OPN5: variants seen among roughly 807,000 people sequenced by gnomAD.
OPN5 encodes the protein opsin-5.
A neutral mutation model predicts 41.7 loss-of-function variants in OPN5; 18 were observed. That is an observed-to-expected ratio of 0.43 (90% CI 0.30 to 0.64). OPN5 has a LOEUF of 0.64. OPN5 is among the 30% of genes least tolerant of loss of function. OPN5 has a pLI of 0.13. For synonymous variants in OPN5, 178 were observed against 164.3 expected, an observed-to-expected ratio of 1.08 and a Z score of -0.64; for missense variants, 318 against 434.5, an observed-to-expected ratio of 0.73 and a Z score of 2.38.
intron 6 of OPN5, among the ~76,000 whole-genome samples, chr6:47,822,242 G>T (rs1403560016): frequency 6.6e-6 from 1 of 152,026 alleles, no homozygotes; most frequent in Admixed American, 6.6e-5. Context: ...GGCTGTTAAG[G>T]GTCTGAATGC....
chr6:47,795,506 A>G, exon 4 of OPN5: 1 of 1,614,128 alleles, frequency 6.2e-7, no homozygotes, highest in Non-Finnish European at 8.5e-7. Flanking sequence ...CCAAAGAAGT[A>G]GCTCATTTCG....
chr6:47,811,841 T>A, intron 6 of OPN5, 110 bp downstream of exon 6: 1 of 652,790 alleles, frequency 1.5e-6, no homozygotes. Context: ...ATTATATTTT[T>A]ATATTTTGTA....
chr6:47,804,342 GATGGGTACAGGAGCCT>G (rs1773882150), intron 4 of OPN5, among the ~76,000 whole-genome samples: 1 of 152,154 alleles, frequency 6.6e-6, no homozygotes, highest in Non-Finnish European at 1.5e-5. Context: ...AGAAAAAGTT[GATGGGTACAGGAGCCT>G]GTGTTAGAAC....
chr6:47,804,513 T>G (rs1773891365), intron 4 of OPN5, among the ~76,000 whole-genome samples: 1 of 152,220 alleles, frequency 6.6e-6, no homozygotes, highest in Admixed American at 6.5e-5. Context: ...GAGTGTAACA[T>G]GAAAGTTTTG....
At chr6:47,786,721 A>C in intron 2 of OPN5, 87 bp downstream of exon 2, 1 of 1,170,052 alleles carries the variant, frequency 8.5e-7, no homozygotes, top group East Asian at 2.4e-5. Context: ...ACCCCCTGAC[A>C]TCTCTTCCCT....
chr6:47,805,411 T>A (rs994908922), intron 4 of OPN5, among the ~76,000 whole-genome samples: 3 of 126,514 alleles, frequency 2.4e-5, no homozygotes, highest in Non-Finnish European at 1.7e-5. Context: ...GGAAAAAAAA[T>A]TGATATTATT....
chr6:47,795,177 A>C, intron 3 of OPN5, 52 bp from the exon 4 acceptor site: 1 of 1,325,894 alleles, frequency 7.5e-7, no homozygotes, highest in Non-Finnish European at 1.0e-6. Flanking sequence ...GAGGGGAGGT[A>C]TCTGGGTGTA....
rs577432374 is a variant in OPN5 at position 47,799,635 on chromosome 6, C to G, written c.756+4072C>G. Reference sequence around the variant, plus strand: ...TTCCGCTGCAACCCTTCCGGTGCATCTTGGGTCTTGGCTGGGGCCCTGGGA... The same window carrying G: ...TTCCGCTGCAACCCTTCCGGTGCATGTTGGGTCTTGGCTGGGGCCCTGGGA... On this transcript the variant is annotated intron_variant, in intron 4 of 6. Transcript: ENST00000371211. 3.3e-5 allele frequency among the ~76,000 whole-genome samples: 5 copies of G among 152,336 alleles called. No homozygotes were observed. In the East Asian group the frequency reaches 7.7e-4, roughly 24 times the overall value.
intron 6 of OPN5, among the ~76,000 whole-genome samples, chr6:47,817,942 A>G (rs1762480523): frequency 6.6e-6 from 1 of 152,122 alleles, no homozygotes; most frequent in South Asian, 2.1e-4. Context: ...CTAGGGACAA[A>G]GGCCCATTCA....
intron 3 of OPN5, chr6:47,794,612 C>T (rs1224933875): frequency 6.6e-6 from 1 of 152,246 alleles, no homozygotes; most frequent in African/African-American, 2.4e-5. Flanking sequence ...ATGCAACCTA[C>T]CTAGATTCTC....
intron 4 of OPN5, 99 bp from the exon 5 acceptor site, chr6:47,808,055 C>A: frequency 9.2e-7 from 1 of 1,086,626 alleles, no homozygotes; most frequent in Non-Finnish European, 1.4e-6. Flanking sequence ...ACTTTCTTGG[C>A]TGTGAGAGGT....
intron 4 of OPN5, among the ~76,000 whole-genome samples, chr6:47,797,545 G>C (rs988797072): frequency 6.6e-6 from 1 of 151,972 alleles, no homozygotes; most frequent in Non-Finnish European, 1.5e-5. Flanking sequence ...TTAGAAACTG[G>C]GCAAATGTAC....
At chr6:47,787,577 TTAG>T (rs1438042015) in intron 2 of OPN5, among the ~76,000 whole-genome samples, 6 of 152,272 alleles carry the variant, frequency 3.9e-5, no homozygotes, top group Admixed American at 2.0e-4. Flanking sequence ...TAGAAACTTG[TTAG>T]TAGTTTCCCG....
rs566906487 is a variant in OPN5, at chr6:47,806,382, A to G, written c.757-1772A>G. ...AGTTTTGATTACATTTGTCAGTCTC[A>G]ATACTCTAATTTCTTATTTCTTCTT... On this transcript the variant is annotated intron_variant, in intron 4 of 6. Coordinates refer to ENST00000371211, the Ensembl canonical transcript of OPN5. Among the ~76,000 whole-genome samples, 5 of 152,292 alleles carry G rather than the reference A, an allele frequency of 3.3e-5. No homozygotes were observed. The South Asian group carries it at 1.0e-3, about 32-fold the overall frequency.
At chr6:47,786,705 A>G in intron 2 of OPN5, 71 bp downstream of exon 2, 4 of 1,337,608 alleles carry the variant, frequency 3.0e-6, no homozygotes, top group Non-Finnish European at 4.2e-6. Flanking sequence ...CACTGTCTCA[A>G]ACGTCACCCC....
chr6:47,795,360 C>G, exon 4 of OPN5: 1 of 1,614,180 alleles, frequency 6.2e-7, no homozygotes, highest in South Asian at 1.1e-5. Context: ...CTCGTGCACC[C>G]TGGACTGGTG....
At chr6:47,821,985 G>A (rs576785361) in intron 6 of OPN5, among the ~76,000 whole-genome samples, 4 of 151,970 alleles carry the variant, frequency 2.6e-5, no homozygotes, top group Non-Finnish European at 5.9e-5. Flanking sequence ...GGTGGCACGT[G>A]CCTATAGTCC....
chr6:47,789,599 G>T (rs1773302815), intron 2 of OPN5, among the ~76,000 whole-genome samples: 1 of 152,130 alleles, frequency 6.6e-6, no homozygotes, highest in Non-Finnish European at 1.5e-5. Flanking sequence ...TTGGAATTAG[G>T]AGGCTGTCAT....
chr6:47,813,084 A>G (rs1762305128), intron 6 of OPN5, among the ~76,000 whole-genome samples: 1 of 100,328 alleles, frequency 1.0e-5, no homozygotes, highest in Non-Finnish European at 2.3e-5. Flanking sequence ...CAACAACAAC[A>G]ACAACAACAA....
Sources: gnomAD v4.1 joint callset for allele counts (sites outside exome capture counted in the v4.1 genomes callset) on GRCh38, gnomAD v4.1.1 for gene constraint, MANE v1.5 for transcripts, NCBI Gene and HGNC (gene_info 2026-07-23, HGNC 2026-07-21) for gene names.